The following ZFPM2 variants were observed in gnomAD, a reference collection of about 807,000 sequenced individuals.
ZFPM2 encodes the protein zinc finger protein ZFPM2.
Under a neutral mutation model 98.6 loss-of-function variants are expected in ZFPM2, and 20 were observed. That is an observed-to-expected ratio of 0.20 (90% CI 0.14 to 0.29). ZFPM2 has a LOEUF of 0.29. Ranked by LOEUF, ZFPM2 falls within the 10% of genes least tolerant of loss-of-function variation. The pLI is 1.00. For missense variants in ZFPM2, 1,310 were observed against 1,388.6 expected, an observed-to-expected ratio of 0.94 and a Z score of 0.90; for synonymous variants, 518 against 502.7, an observed-to-expected ratio of 1.03 and a Z score of -0.41.
At chr8:105,430,898 C>T (rs935267301) in intron 2 of ZFPM2, among the ~76,000 whole-genome samples, 1 of 142,282 alleles carries the variant, frequency 7.0e-6, no homozygotes, top group Admixed American at 7.4e-5. Context: ...CCATTGTCCA[C>T]AACTTTTTTT....
intron 1 of ZFPM2, among the ~76,000 whole-genome samples, chr8:105,373,430 T>C (rs1810662612): frequency 6.6e-6 from 1 of 152,156 alleles, no homozygotes; most frequent in South Asian, 2.1e-4. Context: ...AGTAAGATCG[T>C]TTTTTTCTCC....
chr8:105,685,063 A>G (rs1261337212), intron 5 of ZFPM2: 1 of 152,122 alleles, frequency 6.6e-6, no homozygotes, highest in African/African-American at 2.4e-5. Flanking sequence ...TGTTTTAGAA[A>G]ATGAAAACAG....
intron 5 of ZFPM2, among the ~76,000 whole-genome samples, chr8:105,638,755 AAT>A (rs1354320903): frequency 1.3e-5 from 2 of 152,142 alleles, no homozygotes; most frequent in East Asian, 1.9e-4. Flanking sequence ...AACAAAATTA[AAT>A]ATGACTATAA....
chr8:105,489,466 A>ATATATATATATATATTTTTTTTT (rs1554610604), intron 3 of ZFPM2, among the ~76,000 whole-genome samples: 6 of 119,772 alleles, frequency 5.0e-5, no homozygotes, highest in African/African-American at 2.2e-4. Flanking sequence ...ATATATATAT[A>ATATATATATATATATTTTTTTTT]TTTTTTTTTT....
intron 1 of ZFPM2, among the ~76,000 whole-genome samples, chr8:105,408,342 C>T (rs1416882232): frequency 6.6e-6 from 1 of 151,858 alleles, no homozygotes; most frequent in South Asian, 2.1e-4. Flanking sequence ...GAGATGTTCA[C>T]TGGTACTGAA....
intron 5 of ZFPM2, among the ~76,000 whole-genome samples, chr8:105,759,191 A>G (rs1812679125): frequency 6.6e-6 from 1 of 152,098 alleles, no homozygotes; most frequent in South Asian, 2.1e-4. Flanking sequence ...TCATTCGCCA[A>G]GTTCAGGCTT....
intron 2 of ZFPM2, among the ~76,000 whole-genome samples, chr8:105,420,523 C>G (rs564817439): frequency 5.9e-5 from 9 of 152,196 alleles, no homozygotes; most frequent in African/African-American, 2.2e-4. Context: ...ATGTAGACCT[C>G]AAGATAACTT....
intron 3 of ZFPM2, among the ~76,000 whole-genome samples, chr8:105,520,584 T>C (rs1314906204): frequency 6.6e-6 from 1 of 150,496 alleles, no homozygotes; most frequent in Admixed American, 6.6e-5. Flanking sequence ...CCTTTTCCTC[T>C]GGCAGCATTA....
intron 5 of ZFPM2, among the ~76,000 whole-genome samples, chr8:105,690,249 A>T (rs1810845517): frequency 6.6e-6 from 1 of 152,236 alleles, no homozygotes; most frequent in African/African-American, 2.4e-5. Context: ...TAACAAAATA[A>T]TTCACAGTTA....
chr8:105,467,583 C>T (rs1812817158), intron 3 of ZFPM2, among the ~76,000 whole-genome samples: 2 of 152,040 alleles, frequency 1.3e-5, no homozygotes, highest in Non-Finnish European at 2.9e-5. Flanking sequence ...CTCAGAGAGC[C>T]TGCACTTTAC....
At chr8:105,626,606 G>A (rs187201258) in intron 4 of ZFPM2, among the ~76,000 whole-genome samples, 20 of 152,158 alleles carry the variant, frequency 1.3e-4, no homozygotes, top group Admixed American at 2.6e-4. Context: ...ATGTGTGTGC[G>A]TGTGTGTGTA....
At chr8:105,522,509 C>T (rs542174700) in intron 3 of ZFPM2, among the ~76,000 whole-genome samples, 30 of 152,198 alleles carry the variant, frequency 2.0e-4, no homozygotes, top group Admixed American at 7.2e-4. Flanking sequence ...CGGTGGCTCA[C>T]GCCTGTAATC....
intron 3 of ZFPM2, among the ~76,000 whole-genome samples, chr8:105,523,452 G>A: frequency 6.6e-6 from 1 of 152,178 alleles, no homozygotes; most frequent in East Asian, 1.9e-4. Context: ...CCCTGCTCTT[G>A]TGTTGCCCCT....
chr8:105,767,595 A>G (rs1203032999), intron 5 of ZFPM2, among the ~76,000 whole-genome samples: 1 of 151,946 alleles, frequency 6.6e-6, no homozygotes, highest in Non-Finnish European at 1.5e-5. Context: ...ACAACACTCC[A>G]TATGAAAATA....
At chr8:105,576,289 A>T (rs567996208) in intron 4 of ZFPM2, among the ~76,000 whole-genome samples, 4 of 152,166 alleles carry the variant, frequency 2.6e-5, no homozygotes, top group African/African-American at 9.6e-5. Flanking sequence ...TTTTTTAACT[A>T]TTCCTCCTAC....
chr8:105,336,821 G>A (rs1461293955), intron 1 of ZFPM2, among the ~76,000 whole-genome samples: 1 of 151,122 alleles, frequency 6.6e-6, no homozygotes, highest in Non-Finnish European at 1.5e-5. Context: ...CTATAAACCA[G>A]TAAATGTTTT....
At chr8:105,537,505 A>G (rs1439859212) in intron 3 of ZFPM2, among the ~76,000 whole-genome samples, 1 of 152,072 alleles carries the variant, frequency 6.6e-6, no homozygotes, top group Non-Finnish European at 1.5e-5. Flanking sequence ...GCAAAACCCT[A>G]TCTCTAAAAT....
chr8:105,408,229 G>A (rs59346947), intron 1 of ZFPM2, among the ~76,000 whole-genome samples: 51,274 of 151,680 alleles, frequency 0.34, 10,763 homozygotes, highest in African/African-American at 0.6. Flanking sequence ...TTATAGCTAT[G>A]TCGAGTGCCT....
At chr8:105,577,595 A>G (rs1258607398) in intron 4 of ZFPM2, among the ~76,000 whole-genome samples, 1 of 151,962 alleles carries the variant, frequency 6.6e-6, no homozygotes, top group Non-Finnish European at 1.5e-5. Context: ...ATTATTTTAC[A>G]TCATGGAAAA....
Sources: allele counts gnomAD v4.1 joint callset (sites outside exome capture counted in the v4.1 genomes callset), GRCh38; gene constraint gnomAD v4.1.1; transcripts MANE v1.5; gene names NCBI Gene and HGNC (gene_info 2026-07-23, HGNC 2026-07-21).